TBC1D8: variants seen among roughly 807,000 people sequenced by gnomAD.
The protein encoded by TBC1D8 is TBC1 domain family member 8.
TBC1D8 carries 65 observed loss-of-function variants against 118.8 expected under a neutral mutation model. That is an observed-to-expected ratio of 0.55 (90% CI 0.45 to 0.67). The LOEUF is 0.67. Among genes scored for constraint, TBC1D8 ranks in the 30% least tolerant of loss-of-function variants. The probability of loss-of-function intolerance (pLI) is 0.00; values close to 1 mark genes in which losing one functional copy is unlikely to be tolerated. For missense variants in TBC1D8, 1,376 were observed against 1,471.2 expected (o/e 0.94, Z 1.06); for synonymous variants, 566 against 595.8 (o/e 0.95, Z 0.73).
At position 101,007,689 on chromosome 2, in the gene TBC1D8, T is replaced by C. The variant is rs895380344; in HGVS notation, c.*132A>G. ...TTGTGTCGGTTCCCCTGGCCACAGT[T>C]TGTCAGGTTGTTTAGCCAGATGCCC... On this transcript the variant is annotated 3_prime_UTR_variant, in exon 20 of 20. Coordinates refer to ENST00000409318, the MANE Select transcript of TBC1D8 (RefSeq NM_001330348.2). 4 of 905,600 alleles carry C rather than the reference T, an allele frequency of 4.4e-6. No individual in the cohort carries two copies. Among genetic ancestry groups the C allele is most frequent in the African/African-American group, 1.7e-5 (1 of 60,106 alleles). The allele number at this position is 905,600 out of a possible 1,614,324, so 56.1% of individuals were successfully genotyped here.
At chr2:101,083,736 G>C (rs1021741401) in intron 2 of TBC1D8, among the ~76,000 whole-genome samples, 2 of 152,202 alleles carry the variant, frequency 1.3e-5, no homozygotes, top group African/African-American at 4.8e-5. Context: ...CATTCTTCCT[G>C]TTCCCACCTT....
chr2:101,089,924 TTAAAAAAAAAA>T (rs1675907566), intron 2 of TBC1D8, among the ~76,000 whole-genome samples: 1 of 115,980 alleles, frequency 8.6e-6, no homozygotes. Context: ...TCGATGGTTT[TTAAAAAAAAAA>T]AAAAAAAAGA....
intron 1 of TBC1D8, among the ~76,000 whole-genome samples, chr2:101,093,743 T>A (rs1408341018): frequency 6.6e-6 from 1 of 151,664 alleles, no homozygotes; most frequent in African/African-American, 2.4e-5. Context: ...GGAGGGTCAC[T>A]CTATCGCCCA....
chr2:101,015,285 G>A (rs1679540808), intron 17 of TBC1D8, among the ~76,000 whole-genome samples: 1 of 152,200 alleles, frequency 6.6e-6, no homozygotes, highest in Non-Finnish European at 1.5e-5. Context: ...TACTATGAAT[G>A]GAGGTTGCAG....
intron 1 of TBC1D8, chr2:101,109,692 A>T (rs1677465822): frequency 1.6e-6 from 1 of 615,106 alleles, no homozygotes; most frequent in Non-Finnish European, 2.0e-6. Context: ...AGATGGGATG[A>T]AGCAGCTGAG....
intron 3 of TBC1D8, among the ~76,000 whole-genome samples, chr2:101,054,667 C>CT (rs146225304): frequency 0.031 from 647 of 20,910 alleles, 53 homozygotes; most frequent in Non-Finnish European, 0.041. Flanking sequence ...ATTTTCTTTT[C>CT]TTTTCTTTTT....
chr2:101,017,915 CAAG>C (rs901528144), intron 17 of TBC1D8: 22 of 1,550,806 alleles, frequency 1.4e-5, no homozygotes, highest in Admixed American at 2.0e-5. Flanking sequence ...AGAAACCGAA[CAAG>C]AAGAGGAAAG....
chr2:101,072,441 A>C (rs946528246), intron 2 of TBC1D8, among the ~76,000 whole-genome samples: 31 of 152,212 alleles, frequency 2.0e-4, no homozygotes, highest in African/African-American at 7.2e-4. Context: ...AACCAACCAA[A>C]TCTCGTGTGA....
chr2:101,077,989 C>T (rs1161365791), intron 2 of TBC1D8, among the ~76,000 whole-genome samples: 3 of 152,172 alleles, frequency 2.0e-5, no homozygotes, highest in Non-Finnish European at 4.4e-5. Flanking sequence ...TTTCTGATCA[C>T]AGATGGCTCC....
At chr2:101,017,340 A>G (rs1234077984) in intron 17 of TBC1D8, among the ~76,000 whole-genome samples, 1 of 152,194 alleles carries the variant, frequency 6.6e-6, no homozygotes, top group Non-Finnish European at 1.5e-5. Context: ...ACATAAACCA[A>G]TAACATTCAT....
At chr2:101,088,958 G>GA (rs77084733) in intron 2 of TBC1D8, among the ~76,000 whole-genome samples, 45,088 of 150,478 alleles carry the variant, frequency 0.3, 6,834 homozygotes, top group East Asian at 0.38. Flanking sequence ...AAAACAAACT[G>GA]AAAAAAAAAT....
At chr2:101,088,504 T>A (rs1425313545) in intron 2 of TBC1D8, among the ~76,000 whole-genome samples, 2 of 152,050 alleles carry the variant, frequency 1.3e-5, no homozygotes, top group East Asian at 3.9e-4. Flanking sequence ...GCCAGGCTGG[T>A]CTTGAACTCC....
intron 5 of TBC1D8, 134 bp downstream of exon 5, chr2:101,050,267 A>T: frequency 5.9e-6 from 8 of 1,345,546 alleles, no homozygotes; most frequent in Non-Finnish European, 8.0e-6. Flanking sequence ...GACATACAAA[A>T]ATCTGGATTA....
chr2:101,018,478 T>TG (rs1394032278), intron 17 of TBC1D8, among the ~76,000 whole-genome samples: 5 of 152,230 alleles, frequency 3.3e-5, no homozygotes, highest in African/African-American at 9.6e-5. Context: ...CAGATGTACT[T>TG]GGTTATGTAT....
chr2:101,022,367 G>T lies in TBC1D8; in HGVS notation c.2675C>A (p.Thr892Lys). The T allele has an allele frequency of 6.2e-7, 1 of 1,613,250 alleles. No individual in the cohort carries two copies. Among genetic ancestry groups the T allele is most frequent in the Non-Finnish European group, 8.5e-7 (1 of 1,179,656 alleles). The change falls in exon 16 of 20, where the codon ACG becomes AAG. Residue 892 changes from threonine to lysine, a missense_variant. Coordinates refer to ENST00000409318, the MANE Select transcript of TBC1D8 (RefSeq NM_001330348.2). ...LVSPWTCGAHTEILAERTFRL... is the reference protein window; with the variant it reads ...LVSPWTCGAHKEILAERTFRL... ...GAACGTCCTTTCGGCGAGGATCTCC[G>T]TGTGGGCCCCGCAGGTCCAGGGCGA...
chr2:101,033,419 G>T, intron 10 of TBC1D8, 125 bp downstream of exon 10: 1 of 1,146,952 alleles, frequency 8.7e-7, no homozygotes, highest in Non-Finnish European at 1.3e-6. Flanking sequence ...GAAAGGGACC[G>T]AGTACAGCGC....
chr2:101,118,287 C>G (rs1677922666), intron 1 of TBC1D8, among the ~76,000 whole-genome samples: 2 of 152,186 alleles, frequency 1.3e-5, no homozygotes, highest in South Asian at 4.2e-4. Flanking sequence ...TGCTGGAAGT[C>G]CTAGCCAGAG....
intron 3 of TBC1D8, among the ~76,000 whole-genome samples, chr2:101,055,551 G>A (rs1682372080): frequency 6.6e-6 from 1 of 152,076 alleles, no homozygotes; most frequent in Non-Finnish European, 1.5e-5. Context: ...AAAGCACTCA[G>A]GTCTATGGGA....
chr2:101,018,412 T>C (rs983075291), intron 17 of TBC1D8: 1 of 157,390 alleles, frequency 6.4e-6, no homozygotes, highest in African/African-American at 2.4e-5. Context: ...ATTGGAATTA[T>C]TCAAAAGGTT....
Sources: allele counts gnomAD v4.1 joint callset (sites outside exome capture counted in the v4.1 genomes callset), GRCh38; gene constraint gnomAD v4.1.1; transcripts MANE v1.5; gene names NCBI Gene and HGNC (gene_info 2026-07-23, HGNC 2026-07-21).